Variants in SHISA6 observed in about 807,000 individuals in gnomAD.
SHISA6 encodes protein shisa-6.
Under a neutral mutation model 47.9 loss-of-function variants are expected in SHISA6, and 22 were observed. The observed-to-expected ratio is 0.46, with a 90% confidence interval of 0.33 to 0.66. SHISA6 has a LOEUF of 0.66. SHISA6 is among the 30% of genes least tolerant of loss of function. The pLI is 0.02. For missense variants in SHISA6, 680 were observed against 764.6 expected (o/e 0.89, Z 1.30); for synonymous variants, 388 against 337.8 (o/e 1.15, Z -1.63).
At chr17:11,461,265 C>T (rs959065842) in intron 3 of SHISA6, among the ~76,000 whole-genome samples, 10 of 151,996 alleles carry the variant, frequency 6.6e-5, no homozygotes, top group Admixed American at 1.3e-4. Flanking sequence ...GGCATGGTGG[C>T]GGGCACCTGT....
chr17:11,468,612 C>T (rs532703245), intron 3 of SHISA6, among the ~76,000 whole-genome samples: 2 of 152,030 alleles, frequency 1.3e-5, no homozygotes, highest in Admixed American at 6.5e-5. Context: ...AGTCCAAGCC[C>T]GATTCTCACT....
intron 2 of SHISA6, among the ~76,000 whole-genome samples, chr17:11,278,552 G>A (rs1309566669): frequency 6.6e-6 from 1 of 152,226 alleles, no homozygotes; most frequent in Non-Finnish European, 1.5e-5. Flanking sequence ...TGAAAGTTTA[G>A]CCAGAGCTAT....
intron 2 of SHISA6, among the ~76,000 whole-genome samples, chr17:11,377,500 G>C (rs573987065): frequency 6.6e-6 from 1 of 152,318 alleles, no homozygotes; most frequent in Admixed American, 6.5e-5. Flanking sequence ...TAGAAGTGCA[G>C]ACTCTTGAGC....
At chr17:11,425,727 TG>T (rs1914593076) in intron 3 of SHISA6, among the ~76,000 whole-genome samples, 1 of 152,198 alleles carries the variant, frequency 6.6e-6, no homozygotes, top group Non-Finnish European at 1.5e-5. Flanking sequence ...TTTTGTACTG[TG>T]TCTTCAGTTA....
At chr17:11,304,790 A>G (rs559121702) in intron 2 of SHISA6, among the ~76,000 whole-genome samples, 1 of 150,696 alleles carries the variant, frequency 6.6e-6, no homozygotes, top group African/African-American at 2.4e-5. Flanking sequence ...ACTTGCCAGA[A>G]CTGTTCCCGG....
At chr17:11,512,705 T>C (rs536862267) in intron 3 of SHISA6, among the ~76,000 whole-genome samples, 1 of 152,156 alleles carries the variant, frequency 6.6e-6, no homozygotes, top group African/African-American at 2.4e-5. Flanking sequence ...CCATTTATTA[T>C]ATATCCTTCT....
intron 2 of SHISA6, among the ~76,000 whole-genome samples, chr17:11,311,529 G>A (rs950673481): frequency 6.6e-6 from 1 of 152,022 alleles, no homozygotes; most frequent in Non-Finnish European, 1.5e-5. Flanking sequence ...TTTTTCCTTA[G>A]CAGCATAAGT....
intron 2 of SHISA6, among the ~76,000 whole-genome samples, chr17:11,353,485 G>A (rs1250086982): frequency 2.0e-5 from 3 of 151,686 alleles, no homozygotes; most frequent in Non-Finnish European, 4.4e-5. Context: ...GAGGCGGGGG[G>A]TCCTCAACCA....
chr17:11,423,823 T>TA (rs1008144857), intron 3 of SHISA6, among the ~76,000 whole-genome samples: 1 of 129,846 alleles, frequency 7.7e-6, no homozygotes, highest in African/African-American at 3.0e-5. Flanking sequence ...AAGCTATTAA[T>TA]AAAAAAATGA....
At chr17:11,412,596 C>T (rs1914152957) in intron 3 of SHISA6, among the ~76,000 whole-genome samples, 1 of 151,460 alleles carries the variant, frequency 6.6e-6, no homozygotes, top group Non-Finnish European at 1.5e-5. Context: ...GGCTGGAGTG[C>T]AGTGGCGCGA....
At chr17:11,352,437 G>A (rs1911921257) in intron 2 of SHISA6, among the ~76,000 whole-genome samples, 1 of 152,178 alleles carries the variant, frequency 6.6e-6, no homozygotes, top group Admixed American at 6.5e-5. Context: ...CTGAATTATT[G>A]CAGAAGCAGA....
intron 3 of SHISA6, among the ~76,000 whole-genome samples, chr17:11,397,395 C>CTG (rs3034221): frequency 0.1 from 14,545 of 140,138 alleles, 794 homozygotes; most frequent in East Asian, 0.2. Flanking sequence ...TTACCTGCCT[C>CTG]TGTGTGTGTG....
In SHISA6 at chr17:11,432,914, A is replaced by G. The variant is rs143238432; in HGVS notation, c.895+53405A>G. Among the ~76,000 whole-genome samples, 1,204 of 152,286 alleles carry G rather than the reference A, an allele frequency of 7.9e-3. 23 individuals carry two copies. The highest frequency in any genetic ancestry group is 0.027 in the African/African-American group (1,134 of 41,558). The stretch of plus-strand genomic sequence containing the variant: ...GGGGCTGGAGAGCAGGAGGAAATGG[A>G]GAGTGACTGCTGATGGGTACAGAGT... On this transcript the variant is annotated intron_variant, in intron 3 of 5. Transcript: ENST00000441885.
At chr17:11,330,548 A>C (rs2142204130) in intron 2 of SHISA6, among the ~76,000 whole-genome samples, 1 of 152,148 alleles carries the variant, frequency 6.6e-6, no homozygotes, top group Admixed American at 6.5e-5. Context: ...GGAAAAGACT[A>C]AAATTAAACC....
At chr17:11,259,372 C>T (rs899468545) in intron 1 of SHISA6, among the ~76,000 whole-genome samples, 5 of 152,194 alleles carry the variant, frequency 3.3e-5, no homozygotes, top group African/African-American at 9.7e-5. Flanking sequence ...TAAGAGCATT[C>T]TGAGAAATAT....
intron 3 of SHISA6, among the ~76,000 whole-genome samples, chr17:11,486,874 G>A (rs1017164942): frequency 7.9e-5 from 12 of 152,234 alleles, no homozygotes; most frequent in Non-Finnish European, 1.2e-4. Context: ...AGTTTACACT[G>A]GTAAACCAGC....
At chr17:11,277,066 A>G (rs1597435619) in intron 2 of SHISA6, among the ~76,000 whole-genome samples, 1 of 152,156 alleles carries the variant, frequency 6.6e-6, no homozygotes, top group South Asian at 2.1e-4. Flanking sequence ...TGACCAGGTC[A>G]ATCCAAGGAC....
At chr17:11,527,415 T>C (rs2071695835) in intron 3 of SHISA6, among the ~76,000 whole-genome samples, 1 of 152,204 alleles carries the variant, frequency 6.6e-6, no homozygotes, top group South Asian at 2.1e-4. Context: ...AGTATTACTA[T>C]AAGAGTTGGT....
chr17:11,327,794 C>A (rs1287741325), intron 2 of SHISA6, among the ~76,000 whole-genome samples: 2 of 152,138 alleles, frequency 1.3e-5, no homozygotes, highest in Non-Finnish European at 2.9e-5. Flanking sequence ...GAGGCTCCAT[C>A]TCAAAACAAA....
Sources: gnomAD v4.1 joint callset for allele counts (sites outside exome capture counted in the v4.1 genomes callset) on GRCh38, gnomAD v4.1.1 for gene constraint, MANE v1.5 for transcripts, NCBI Gene and HGNC (gene_info 2026-07-23, HGNC 2026-07-21) for gene names.